DISC1: variants seen among roughly 807,000 people sequenced by gnomAD.
DISC1 encodes disrupted in schizophrenia 1 protein.
Under a neutral mutation model 84.5 loss-of-function variants are expected in DISC1, and 57 were observed. The observed-to-expected ratio is 0.67, with a 90% CI of 0.55 to 0.84. The LOEUF (loss-of-function observed/expected upper bound fraction) is 0.84. DISC1 is among the 40% of genes least tolerant of loss of function. DISC1 has a pLI of 0.00. For missense variants in DISC1, 1,000 were observed against 1,057.8 expected (o/e 0.95, Z 0.76); for synonymous variants, 411 against 415.2 (o/e 0.99, Z 0.12).
intron 4 of DISC1, chr1:231,750,582 T>C: frequency 2.0e-6 from 2 of 985,778 alleles, no homozygotes; most frequent in Non-Finnish European, 2.4e-6. Context: ...TCTAATCCAG[T>C]GGCTTGTGGT....
chr1:232,002,599 A>G (rs1050268089), intron 10 of DISC1, among the ~76,000 whole-genome samples: 29 of 52,896 alleles, frequency 5.5e-4, no homozygotes, highest in African/African-American at 3.2e-3. Context: ...TGCTGAGCAC[A>G]CACACACACA....
Position 231,632,331 on chromosome 1 carries a change from G to T in DISC1, c.67+5397G>T, listed in dbSNP as rs530139345. ...ATGTCAACTTCAGGTTAATTTTCCA[G>T]CCACGTGGCCTTGTGCTTGCTCATC... is the stretch of plus-strand genomic sequence containing the variant. On this transcript the variant is annotated intron_variant, in intron 1 of 12. Coordinates refer to ENST00000439617, the MANE Select transcript of DISC1 (RefSeq NM_018662.3). Among the ~76,000 whole-genome samples the T allele has an allele frequency of 3.9e-5, 6 of 152,256 alleles. No homozygotes were observed. The East Asian group carries it at 1.2e-3, about 29-fold the overall frequency.
intron 9 of DISC1, among the ~76,000 whole-genome samples, chr1:231,882,244 A>G (rs1407876351): frequency 1.3e-5 from 2 of 152,268 alleles, no homozygotes; most frequent in Middle Eastern, 3.4e-3. Flanking sequence ...AAGGGAAGAG[A>G]TAATCTCTAA....
Position 231,855,272 on chromosome 1 carries a change from C to G in DISC1, c.1981+36755C>G, listed in dbSNP as rs200681569. 4 of 956,122 alleles carry G rather than the reference C, an allele frequency of 4.2e-6. No individual in the cohort carries two copies. In the African/African-American group the frequency reaches 5.6e-5, roughly 13 times the overall value. The allele number at this position is 956,122 out of a possible 1,614,324, so 59.2% of individuals were successfully genotyped here. A position where few individuals can be genotyped will look rare whatever the true frequency, so the allele number is the denominator to read the frequency against. Reference sequence around the variant, plus strand: ...AATCACAAGAGTGTCTCATAAATAACTTTCTATATAACATATGTATATTTC... The same window carrying G: ...AATCACAAGAGTGTCTCATAAATAAGTTTCTATATAACATATGTATATTTC... On this transcript the variant is annotated intron_variant, in intron 9 of 12. Coordinates refer to ENST00000439617, the MANE Select transcript of DISC1 (RefSeq NM_018662.3).
intron 9 of DISC1, among the ~76,000 whole-genome samples, chr1:231,943,325 A>C (rs774250863): frequency 3.9e-5 from 6 of 152,244 alleles, no homozygotes; most frequent in Non-Finnish European, 7.3e-5. Context: ...GTGAGGAGGT[A>C]GAGAGAGTGA....
chr1:231,850,645 A>T (rs2083827295), intron 9 of DISC1, among the ~76,000 whole-genome samples: 1 of 152,260 alleles, frequency 6.6e-6, no homozygotes. Context: ...CTATACACTA[A>T]AAAAAGAAGA....
intron 9 of DISC1, among the ~76,000 whole-genome samples, chr1:231,886,409 C>A (rs1352246776): frequency 7.2e-5 from 11 of 152,048 alleles, no homozygotes; most frequent in Non-Finnish European, 1.6e-4. Context: ...AAAGAATTTC[C>A]ATGAAAGAAA....
chr1:232,036,839 C>T lies in DISC1; in HGVS notation c.*8C>T, dbSNP rs562068421. On this transcript the variant is annotated 3_prime_UTR_variant, in exon 13 of 13. Transcript: ENST00000439617. ...CACGAAGCACAAGCCTGAGGAGTGA[C>T]GGGATGGGGGAGGGAGGTGGGCCAC... 5.0e-5 allele frequency: 39 copies of T among 773,600 alleles called. No individual in the cohort carries two copies. The highest frequency in any genetic ancestry group is 4.7e-4 in the African/African-American group (25 of 52,706). The allele number at this position is 773,600 out of a possible 1,614,324, so 47.9% of individuals were successfully genotyped here.
intron 10 of DISC1, among the ~76,000 whole-genome samples, chr1:231,981,546 C>T (rs756288638): frequency 6.6e-6 from 1 of 152,164 alleles, no homozygotes; most frequent in Non-Finnish European, 1.5e-5. Context: ...CTTGAAGCCA[C>T]AGAGAATGAT....
intron 10 of DISC1, among the ~76,000 whole-genome samples, chr1:231,975,678 C>T (rs745874775): frequency 5.9e-5 from 9 of 152,204 alleles, no homozygotes; most frequent in Non-Finnish European, 1.3e-4. Flanking sequence ...TTTGCAGCAA[C>T]ATGGATAGAA....
intron 4 of DISC1, among the ~76,000 whole-genome samples, chr1:231,763,798 T>G (rs955741627): frequency 6.6e-6 from 1 of 152,240 alleles, no homozygotes; most frequent in African/African-American, 2.4e-5. Context: ...TTGTCTCTCC[T>G]GCTCCATGGA....
chr1:231,633,566 C>G (rs932395431), intron 1 of DISC1, among the ~76,000 whole-genome samples: 1 of 152,142 alleles, frequency 6.6e-6, no homozygotes, highest in African/African-American at 2.4e-5. Flanking sequence ...CCAGGTGGTT[C>G]CATTTCAGGA....
intron 10 of DISC1, among the ~76,000 whole-genome samples, chr1:231,967,493 T>C (rs913449613): frequency 6.6e-6 from 1 of 152,262 alleles, no homozygotes; most frequent in African/African-American, 2.4e-5. Context: ...TGGAGTTTCA[T>C]AATTTTCTTA....
At chr1:231,975,620 G>A (rs1662679592) in intron 10 of DISC1, among the ~76,000 whole-genome samples, 1 of 152,128 alleles carries the variant, frequency 6.6e-6, no homozygotes, top group Admixed American at 6.5e-5. Flanking sequence ...TACATAAAAT[G>A]CATAAAATAC....
chr1:231,810,440 G>A (rs1207979557), intron 8 of DISC1, among the ~76,000 whole-genome samples: 1 of 152,192 alleles, frequency 6.6e-6, no homozygotes, highest in Non-Finnish European at 1.5e-5. Flanking sequence ...GCAGGAGGGA[G>A]ACAAGAGACC....
chr1:231,968,926 G>A (rs1409158843), intron 10 of DISC1, among the ~76,000 whole-genome samples: 2 of 152,126 alleles, frequency 1.3e-5, no homozygotes, highest in African/African-American at 4.8e-5. Flanking sequence ...TGGGATAACA[G>A]TAGAATAAGA....
At chr1:231,914,462 C>T (rs993399425) in intron 9 of DISC1, among the ~76,000 whole-genome samples, 1 of 152,204 alleles carries the variant, frequency 6.6e-6, no homozygotes, top group Admixed American at 6.5e-5. Context: ...CTTGTCACAG[C>T]TCTGCTCGGC....
At chr1:231,685,350 C>T (rs536299127) in intron 1 of DISC1, among the ~76,000 whole-genome samples, 4 of 152,220 alleles carry the variant, frequency 2.6e-5, no homozygotes, top group East Asian at 1.9e-4. Context: ...AAGATATACC[C>T]GAGACTTGGA....
At chr1:231,842,752 T>C (rs1342210484) in intron 9 of DISC1, among the ~76,000 whole-genome samples, 2 of 152,188 alleles carry the variant, frequency 1.3e-5, no homozygotes, top group African/African-American at 2.4e-5. Context: ...CCCTCATTCA[T>C]TTATGTAACC....
Sources: allele counts gnomAD v4.1 joint callset (sites outside exome capture counted in the v4.1 genomes callset), GRCh38; gene constraint gnomAD v4.1.1; transcripts MANE v1.5; gene names NCBI Gene and HGNC (gene_info 2026-07-23, HGNC 2026-07-21).